LRRK2: variants seen among roughly 807,000 people sequenced by gnomAD.
LRRK2 encodes leucine rich repeat kinase 2.
A neutral mutation model predicts 302.6 loss-of-function variants in LRRK2; 203 were observed. That is an observed-to-expected ratio of 0.67 (90% CI 0.60 to 0.75). The LOEUF is 0.75. Among genes scored for constraint, LRRK2 ranks in the 30% least tolerant of loss-of-function variants. LRRK2 has a pLI of 0.00. For missense variants in LRRK2, 2,830 were observed against 2,951.0 expected (o/e 0.96, Z 0.95); for synonymous variants, 1,066 against 1,031.9 (o/e 1.03, Z -0.63).
rs200437744 is a variant in LRRK2, at chr12:40,249,843, C to G, written c.856C>G (p.Leu286Val). The G allele has an allele frequency of 2.4e-4, 391 of 1,613,450 alleles. 1 individual carries two copies. Among genetic ancestry groups the G allele is most frequent in the Admixed American group, 4.5e-4 (27 of 59,956 alleles). ...ACTTTTAGGTAATTTTTTCAATATC[C>G]TGGTATTAAACGAAGTCCATGAGTT... ...RLTLGNFFNI[L>V]VLNEVHEFVV... is the part of the protein sequence containing the mutation. The change falls in exon 8 of 51, where the codon CTG becomes GTG. Residue 286 changes from leucine to valine, a missense_variant. By Grantham distance (32) the Leu-to-Val change is conservative. Coordinates refer to ENST00000298910, the MANE Select transcript of LRRK2 (RefSeq NM_198578.4).
intron 23 of LRRK2, among the ~76,000 whole-genome samples, chr12:40,297,987 G>C (rs1944444942): frequency 6.6e-6 from 1 of 151,976 alleles, no homozygotes; most frequent in Admixed American, 6.6e-5. Flanking sequence ...CAAAAAAGCT[G>C]AAGGAAGCTT....
chr12:40,313,476 C>T (rs11175985), intron 31 of LRRK2, among the ~76,000 whole-genome samples: 15,956 of 151,766 alleles, frequency 0.11, 1,085 homozygotes, highest in South Asian at 0.19. Context: ...TATGTCTCTG[C>T]GTTTCACTGT....
Position 40,368,128 on chromosome 12 carries a change from T to A in LRRK2, c.*363T>A, listed in dbSNP as rs1946933802. The A allele has an allele frequency of 6.9e-5, 12 of 172,842 alleles. No homozygotes were observed. The South Asian group carries it at 1.6e-3, about 23-fold the overall frequency. 10.7% of individuals were successfully genotyped at this position (172,842 alleles called of 1,614,324 possible). ...TAAACTTTATTTTAAATTCTGTGCTTAAGACAGGACTATTGCTTGTCGATT... is the reference window on the plus strand; with the variant it reads ...TAAACTTTATTTTAAATTCTGTGCTAAAGACAGGACTATTGCTTGTCGATT... On this transcript the variant is annotated 3_prime_UTR_variant, in exon 51 of 51. Transcript: ENST00000298910.
At chr12:40,313,118 C>T (rs531919001) in intron 31 of LRRK2, among the ~76,000 whole-genome samples, 44 of 151,886 alleles carry the variant, frequency 2.9e-4, no homozygotes, top group Non-Finnish European at 6.0e-4. Flanking sequence ...AATTCTGATT[C>T]GTATTTTCAG....
intron 40 of LRRK2, 78 bp downstream of exon 40, chr12:40,335,235 C>T: frequency 1.4e-6 from 2 of 1,404,626 alleles, no homozygotes; most frequent in Non-Finnish European, 2.0e-6. Context: ...GAGAACACTT[C>T]CCAGTAACAC....
chr12:40,286,888 T>A (rs934145125), intron 19 of LRRK2, among the ~76,000 whole-genome samples: 5 of 152,124 alleles, frequency 3.3e-5, no homozygotes, highest in Non-Finnish European at 7.4e-5. Flanking sequence ...CAAGATCCTT[T>A]ATTTAGCAGT....
At chr12:40,363,576 T>C (rs1565783472) in intron 48 of LRRK2, 22 bp downstream of exon 48, 2 of 1,608,348 alleles carry the variant, frequency 1.2e-6, no homozygotes, top group East Asian at 2.2e-5. Context: ...GGTTTTTAAT[T>C]TTATTCCCAA....
chr12:40,251,579 C>A, intron 10 of LRRK2, 35 bp downstream of exon 10: 1 of 1,522,528 alleles, frequency 6.6e-7, no homozygotes, highest in Non-Finnish European at 9.0e-7. Context: ...TAGAAAATTT[C>A]AGTTATATTT....
At chr12:40,363,315 T>TGCA in intron 47 of LRRK2, 87 bp from the exon 48 acceptor site, 1 of 1,295,472 alleles carries the variant, frequency 7.7e-7, no homozygotes, top group South Asian at 1.2e-5. Context: ...TGTTTTTACA[T>TGCA]TAAGAACTAA....
chr12:40,252,984 C>A lies in LRRK2; in HGVS notation c.1256C>A (p.Ala419Glu). 1 of 1,612,662 alleles carries A rather than the reference C, an allele frequency of 6.2e-7. No individual in the cohort carries two copies. Among genetic ancestry groups the A allele is most frequent in the East Asian group, 2.2e-5 (1 of 44,754 alleles). Residue 419 changes from alanine to glutamate, a missense_variant, in exon 11 of 51, where the codon GCG becomes GAG. Ala to Glu is a moderately radical substitution (Grantham distance 107). Around this residue, in one of 3 missense-constraint regions of LRRK2, gnomAD observed 2,121 missense variants for 2,148.0 expected, o/e 0.99. Transcript: ENST00000298910. ...TCAAAGGAAGTTTTCCAGGCATCTG[C>A]GAATGCATTGTCAACTCTCTTAGAA... ...SSSKEVFQAS[A>E]NALSTLLEQN...
At chr12:40,351,460 A>T in intron 43 of LRRK2, 79 bp from the exon 44 acceptor site, 2 of 1,359,030 alleles carry the variant, frequency 1.5e-6, no homozygotes, top group Non-Finnish European at 2.1e-6. Flanking sequence ...GAGCTATAAC[A>T]CTTCAGTCTA....
chr12:40,326,411 A>G (rs1945550983), intron 38 of LRRK2, among the ~76,000 whole-genome samples: 1 of 149,778 alleles, frequency 6.7e-6, no homozygotes, highest in Admixed American at 6.7e-5. Context: ...GCTTGCAGTG[A>G]GCCGAGATCG....
chr12:40,336,883 A>T (rs1945888705), intron 40 of LRRK2, among the ~76,000 whole-genome samples: 1 of 152,164 alleles, frequency 6.6e-6, no homozygotes, highest in Non-Finnish European at 1.5e-5. Flanking sequence ...TTCTTCCACA[A>T]ATCCCCAAAG....
At chr12:40,340,173 C>A (rs1945995972) in intron 40 of LRRK2, 121 bp from the exon 41 acceptor site, 2 of 963,430 alleles carry the variant, frequency 2.1e-6, no homozygotes, top group South Asian at 3.1e-5. Context: ...CTTTAAGGGA[C>A]AAAGTGAGCA....
Position 40,251,233 on chromosome 12 carries a change from T to C in LRRK2, c.960T>C (p.Thr320=), listed in dbSNP as rs1181596511. The C allele has an allele frequency of 2.5e-6, 4 of 1,568,844 alleles. No homozygotes were observed. Among genetic ancestry groups the C allele is most frequent in the Non-Finnish European group, 3.5e-6 (4 of 1,150,152 alleles). The change falls in exon 9 of 51, where the codon ACT becomes ACC. Residue 320 remains threonine (T), a splice_region_variant and synonymous_variant. Coordinates refer to ENST00000298910, the MANE Select transcript of LRRK2 (RefSeq NM_198578.4). ...ISALSCLALL[T]ETIFLNQDLE... Reference sequence around the variant, plus strand: ...ATATATTTTTCAATTTTTTTCAAGCTGAGACTATTTTCTTAAATCAAGATT... The same window carrying C: ...ATATATTTTTCAATTTTTTTCAAGCCGAGACTATTTTCTTAAATCAAGATT...
chr12:40,315,374 C>A, intron 33 of LRRK2, 74 bp downstream of exon 33: 2 of 1,273,098 alleles, frequency 1.6e-6, no homozygotes, highest in Non-Finnish European at 2.3e-6. Flanking sequence ...GAGCATTGAG[C>A]ATTTTAGAAT....
chr12:40,265,823 AAC>A (rs1215193329), intron 14 of LRRK2, among the ~76,000 whole-genome samples: 1 of 152,184 alleles, frequency 6.6e-6, no homozygotes, highest in African/African-American at 2.4e-5. Flanking sequence ...AATGGAACAG[AAC>A]AGAGCCCTCA....
At chr12:40,231,580 A>C (rs1941194000) in intron 2 of LRRK2, among the ~76,000 whole-genome samples, 1 of 147,210 alleles carries the variant, frequency 6.8e-6, no homozygotes, top group Non-Finnish European at 1.5e-5. Context: ...CAAAACCAAA[A>C]AAAAAAAAAA....
rs370951456 is a variant in LRRK2 at position 40,323,191 on chromosome 12, G to A, written c.5541G>A (p.Arg1847=). 1.2e-6 allele frequency: 2 copies of A among 1,613,040 alleles called. No homozygotes were observed. The highest frequency in any genetic ancestry group is 1.3e-5 in the African/African-American group (1 of 74,832). ...GDLLVNPDQP[R]LTIPISQIAP... ...TCTTAGTAAATCCAGATCAACCAAG[G>A]CTCACCATTCCAATATCTCAGATTG... The change falls in exon 38 of 51, where the codon AGG becomes AGA. Residue 1847 remains arginine, a synonymous_variant. Coordinates refer to ENST00000298910, the MANE Select transcript of LRRK2 (RefSeq NM_198578.4).
Sources: allele counts gnomAD v4.1 joint callset (sites outside exome capture counted in the v4.1 genomes callset), GRCh38; gene constraint gnomAD v4.1.1; regional missense constraint gnomAD v4.1.1; transcripts MANE v1.5; gene names NCBI Gene and HGNC (gene_info 2026-07-23, HGNC 2026-07-21).